ATP8B2: variants seen among roughly 807,000 people sequenced by gnomAD.
ATP8B2 encodes ATPase phospholipid transporting 8B2.
In ATP8B2, 70 loss-of-function variants were observed where a neutral mutation model predicts 133.4. The ratio of observed to expected loss-of-function variants is 0.52; its 90% confidence interval spans 0.43 to 0.64. The LOEUF (loss-of-function observed/expected upper bound fraction) is 0.64, where lower values mean the gene tolerates loss of function less well. Among genes scored for constraint, ATP8B2 ranks in the 30% least tolerant of loss-of-function variants. ATP8B2 has a pLI of 0.00. For synonymous variants in ATP8B2, 517 were observed against 589.5 expected (o/e 0.88, Z 1.78); for missense variants, 1,101 against 1,535.7 (o/e 0.72, Z 4.73).
At chr1:154,329,596 T>C (rs569519500) in intron 2 of ATP8B2, among the ~76,000 whole-genome samples, 3 of 152,220 alleles carry the variant, frequency 2.0e-5, no homozygotes, top group African/African-American at 4.8e-5. Flanking sequence ...TTTAGCTAGA[T>C]AGGTGTCACT....
chr1:154,329,081 G>GGGA (rs1451491962), intron 2 of ATP8B2: 1 of 1,296,146 alleles, frequency 7.7e-7, no homozygotes, highest in African/African-American at 1.5e-5. Flanking sequence ...GACAGGTAAC[G>GGGA]GGAGGCAGCG....
At position 154,350,058 on chromosome 1, in the gene ATP8B2, CTTTT is replaced by C. The variant is rs575565890; in HGVS notation, c.*943_*946del. On this transcript the variant is annotated 3_prime_UTR_variant, in exon 28 of 28. Coordinates refer to ENST00000368489, the MANE Select transcript of ATP8B2 (RefSeq NM_001370597.1). ...CAGTGGGGAGGGGTAGTTTTCTTTT[CTTTT>C]TTCTTTTTCTTTTTTTCTTTTTTTT... 2.0e-5 allele frequency: 3 copies of C among 151,928 alleles called. No individual in the cohort carries two copies. The highest frequency in any genetic ancestry group is 4.4e-5 in the Non-Finnish European group (3 of 68,006). The allele number at this position is 151,928 out of a possible 1,614,324, so 9.4% of individuals were successfully genotyped here.
At chr1:154,327,716 C>T (rs1215580733) in intron 1 of ATP8B2, 2 of 1,395,796 alleles carry the variant, frequency 1.4e-6, no homozygotes, top group Admixed American at 3.4e-5. Flanking sequence ...CCCTCCACCC[C>T]ACCCTTTGGG....
intron 9 of ATP8B2, among the ~76,000 whole-genome samples, chr1:154,333,349 C>T (rs1020493655): frequency 1.3e-5 from 2 of 149,130 alleles, no homozygotes; most frequent in East Asian, 4.0e-4. Context: ...AAAAAAAATA[C>T]AAAAATTAGC....
chr1:154,351,061 A>G lies in ATP8B2; in HGVS notation c.*1943A>G, dbSNP rs1303684134. 7.7e-6 allele frequency: 1 copy of G among 129,898 alleles called. No homozygotes were observed. The highest frequency in any genetic ancestry group is 2.5e-5 in the African/African-American group (1 of 39,830). The allele number at this position is 129,898 out of a possible 1,614,324, so 8.0% of individuals were successfully genotyped here. Reference sequence around the variant, plus strand: ...AGGTGAGAGTCTGATTTTTATACCAAAGAGGAAATGATTTTTTTTCATATT... The same window carrying G: ...AGGTGAGAGTCTGATTTTTATACCAGAGAGGAAATGATTTTTTTTCATATT... On this transcript the variant is annotated 3_prime_UTR_variant, in exon 28 of 28. Transcript: ENST00000368489.
intron 1 of ATP8B2, among the ~76,000 whole-genome samples, chr1:154,327,456 A>ACC (rs1205319508): frequency 6.6e-6 from 1 of 152,078 alleles, no homozygotes; most frequent in Non-Finnish European, 1.5e-5. Flanking sequence ...CAAACTCCCC[A>ACC]CCAGGGTTGG....
intron 13 of ATP8B2, chr1:154,341,829 C>T (rs138961114): frequency 6.5e-6 from 1 of 154,050 alleles, no homozygotes; most frequent in African/African-American, 2.4e-5. Context: ...GAGTCCTCCC[C>T]TTGTCCTCTC....
rs188941077 is a variant in ATP8B2 at position 154,342,328 on chromosome 1, A to G, written c.1244-152A>G. Reference sequence around the variant, plus strand: ...ATGCCTCCTATCCCGCGAGTCAGCAATGTGACTGAGTGACTCACACTGTGA... The same window carrying G: ...ATGCCTCCTATCCCGCGAGTCAGCAGTGTGACTGAGTGACTCACACTGTGA... On this transcript the variant is annotated intron_variant, in intron 13 of 27. Transcript: ENST00000368489. 43 of 777,816 alleles carry G rather than the reference A, an allele frequency of 5.5e-5. No individual in the cohort carries two copies. The African/African-American group carries it at 5.6e-4, about 10-fold the overall frequency. The allele number at this position is 777,816 out of a possible 1,614,324, so 48.2% of individuals were successfully genotyped here.
intron 26 of ATP8B2, among the ~76,000 whole-genome samples, chr1:154,347,581 C>G (rs994648785): frequency 6.6e-6 from 1 of 152,008 alleles, no homozygotes; most frequent in Non-Finnish European, 1.5e-5. Context: ...AGAGCAGTCA[C>G]CAGGTGAGCC....
In ATP8B2 at chr1:154,334,370, A is replaced by T; in HGVS notation, c.748+105A>T. The T allele has an allele frequency of 1.3e-6, 2 of 1,533,130 alleles. No homozygotes were observed. The highest frequency in any genetic ancestry group is 1.8e-6 in the Non-Finnish European group (2 of 1,120,682). 95.0% of individuals were successfully genotyped at this position (1,533,130 alleles called of 1,614,324 possible). On this transcript the variant is annotated intron_variant, in intron 10 of 27. Transcript: ENST00000368489. The surrounding 1 kb of genome is among the most constrained non-coding windows in gnomAD (Gnocchi z 4.6). ...AGAATACCTAAGGTAAAAAACCTCCAGCTGTGTATACAGGCTTCTTATCTA... is the reference window on the plus strand; with the variant it reads ...AGAATACCTAAGGTAAAAAACCTCCTGCTGTGTATACAGGCTTCTTATCTA...
At chr1:154,342,664 T>C in intron 14 of ATP8B2, 132 bp from the exon 15 acceptor site, 2 of 1,439,708 alleles carry the variant, frequency 1.4e-6, no homozygotes, top group Non-Finnish European at 1.9e-6. Flanking sequence ...GAACTGGTGA[T>C]GACGGAAGTG....
Position 154,343,634 on chromosome 1 carries a change from A to G in ATP8B2, c.1758+66A>G, listed in dbSNP as rs1289099089. 1.4e-6 allele frequency: 2 copies of G among 1,455,422 alleles called. No individual in the cohort carries two copies. Among genetic ancestry groups the G allele is most frequent in the South Asian group, 1.1e-5 (1 of 87,150 alleles). The allele number at this position is 1,455,422 out of a possible 1,614,324, so 90.2% of individuals were successfully genotyped here. ...CTCTTAGTGTGGGGGAGGCGACTTA[A>G]GTTTGTTTTATTGTGTAAATTTAAG... On this transcript the variant is annotated intron_variant, in intron 17 of 27. Coordinates refer to ENST00000368489, the MANE Select transcript of ATP8B2 (RefSeq NM_001370597.1). The surrounding 1 kb of genome is among the most constrained non-coding windows in gnomAD (Gnocchi z 5.8).
chr1:154,335,907 C>T (rs896640368), intron 11 of ATP8B2, among the ~76,000 whole-genome samples: 2 of 151,790 alleles, frequency 1.3e-5, no homozygotes, highest in Non-Finnish European at 2.9e-5. Flanking sequence ...GGCGTGGTGG[C>T]GGGCACCTGT....
rs765278610 is a variant in ATP8B2 at position 154,343,975 on chromosome 1, G to A, written c.1841G>A (p.Arg614Gln). 1.1e-5 allele frequency: 18 copies of A among 1,613,894 alleles called. No individual in the cohort carries two copies. The highest frequency in any genetic ancestry group is 2.7e-5 in the African/African-American group (2 of 74,928). ...DEEYYEEWAERRLQASLAQDS... is the reference protein window; with the variant it reads ...DEEYYEEWAEQRLQASLAQDS... ...GAGTACTACGAGGAGTGGGCTGAGC[G>A]ACGCCTCCAGGCCAGCCTGGCCCAG... The change falls in exon 18 of 28, where the codon CGA becomes CAA. Residue 614 changes from arginine to glutamine, a missense_variant. Physicochemically the swap from Arg to Gln is conservative, Grantham distance 43 (BLOSUM62 1). Transcript: ENST00000368489. The surrounding 1 kb of genome is among the most constrained non-coding windows in gnomAD (Gnocchi z 5.8).
In ATP8B2 at chr1:154,328,056, A is replaced by G. The variant is rs1247906795; in HGVS notation, c.-37-49A>G. Reference sequence around the variant, plus strand: ...CAAAAGAGGTCTCATGAGGGGAGGGAAGGGTTATCCTCAGCTTCCTGACCT... The same window carrying G: ...CAAAAGAGGTCTCATGAGGGGAGGGGAGGGTTATCCTCAGCTTCCTGACCT... On this transcript the variant is annotated intron_variant, in intron 1 of 27. Transcript: ENST00000368489. This position sits in a 1 kb window ranked among gnomAD's most constrained non-coding sequence, Gnocchi z 4.6. The G allele has an allele frequency of 5.0e-6, 8 of 1,586,010 alleles. No homozygotes were observed. In the South Asian group the frequency reaches 6.6e-5, roughly 13 times the overall value.
At chr1:154,342,094 GACT>G (rs1382079355) in intron 13 of ATP8B2, among the ~76,000 whole-genome samples, 1 of 152,148 alleles carries the variant, frequency 6.6e-6, no homozygotes, top group Admixed American at 6.6e-5. Flanking sequence ...CCCCTCTTGT[GACT>G]GCTTTCTGTA....
At chr1:154,329,729 G>A (rs1229974250) in intron 2 of ATP8B2, among the ~76,000 whole-genome samples, 1 of 152,106 alleles carries the variant, frequency 6.6e-6, no homozygotes, top group Non-Finnish European at 1.5e-5. Context: ...ATCTCAGTCT[G>A]CATGACCCAT....
Position 154,346,769 on chromosome 1 carries a change from G to T in ATP8B2, c.3163+11G>T. On this transcript the variant is annotated intron_variant, in intron 26 of 27. Coordinates refer to ENST00000368489, the MANE Select transcript of ATP8B2 (RefSeq NM_001370597.1). This position sits in a 1 kb window ranked among gnomAD's most constrained non-coding sequence, Gnocchi z 4.5. ...AGTTCCGGTTTGTGGGTAAGTCCCC[G>T]TGGCCTCCTTGAATCGGTGAGGAAT... 1 of 1,613,762 alleles carries T rather than the reference G, an allele frequency of 6.2e-7. No individual in the cohort carries two copies. Among genetic ancestry groups the T allele is most frequent in the Non-Finnish European group, 8.5e-7 (1 of 1,179,728 alleles).
chr1:154,330,221 G>A (rs761909821), intron 2 of ATP8B2, among the ~76,000 whole-genome samples, 175 bp from the exon 3 acceptor site: 9 of 152,118 alleles, frequency 5.9e-5, no homozygotes, highest in Admixed American at 3.9e-4. Flanking sequence ...CTGGAGAGCC[G>A]TGTGGTCAGG....
Sources: gnomAD v4.1 joint callset for allele counts (sites outside exome capture counted in the v4.1 genomes callset) on GRCh38, gnomAD v4.1.1 for gene constraint, Gnocchi (gnomAD v3.1) non-coding constraint, MANE v1.5 for transcripts, NCBI Gene and HGNC (gene_info 2026-07-23, HGNC 2026-07-21) for gene names.